KCNMA1: variants seen among roughly 807,000 people sequenced by gnomAD.
The protein encoded by KCNMA1 is Calcium-activated potassium channel subunit alpha-1.
A neutral mutation model predicts 140.0 loss-of-function variants in KCNMA1; 29 were observed. That is an observed-to-expected ratio of 0.21 (90% confidence interval 0.15 to 0.28). KCNMA1 has a LOEUF of 0.28. KCNMA1 is among the 10% of genes least tolerant of loss of function. The pLI is 1.00. For missense variants in KCNMA1, 880 were observed against 1,602.2 expected (o/e 0.55, Z 7.70); for synonymous variants, 612 against 611.9 (o/e 1.00, Z 0.00).
At chr10:77,289,556 A>G (rs1392833656) in intron 2 of KCNMA1, among the ~76,000 whole-genome samples, 2 of 152,250 alleles carry the variant, frequency 1.3e-5, no homozygotes, top group East Asian at 3.8e-4. Context: ...CCAAGCTTGT[A>G]CAAGAGGAGT....
intron 2 of KCNMA1, among the ~76,000 whole-genome samples, chr10:77,285,522 T>C (rs2070482423): frequency 6.6e-6 from 1 of 152,206 alleles, no homozygotes; most frequent in African/African-American, 2.4e-5. Flanking sequence ...AATTAAGATG[T>C]TACATAGGGA....
chr10:76,936,006 G>A (rs1346660779), intron 23 of KCNMA1, among the ~76,000 whole-genome samples: 1 of 152,148 alleles, frequency 6.6e-6, no homozygotes, highest in African/African-American at 2.4e-5. Context: ...TGTTTCTCTT[G>A]CTAGGAATAC....
At chr10:77,296,175 C>G (rs2075060966) in intron 2 of KCNMA1, among the ~76,000 whole-genome samples, 1 of 151,924 alleles carries the variant, frequency 6.6e-6, no homozygotes, top group Non-Finnish European at 1.5e-5. Context: ...CCAGGTGGGC[C>G]CACTGTAATC....
intron 2 of KCNMA1, among the ~76,000 whole-genome samples, chr10:77,381,502 T>C (rs1431502081): frequency 6.6e-6 from 1 of 152,168 alleles, no homozygotes; most frequent in African/African-American, 2.4e-5. Context: ...TTCTCGGCAG[T>C]ATAAGGTGGA....
intron 3 of KCNMA1, among the ~76,000 whole-genome samples, chr10:77,217,789 G>T (rs1260586076): frequency 6.6e-6 from 1 of 151,924 alleles, no homozygotes; most frequent in African/African-American, 2.4e-5. Flanking sequence ...AAATTTATTT[G>T]TGCTGAGAAT....
At chr10:77,224,014 CT>C (rs1404325744) in intron 3 of KCNMA1, among the ~76,000 whole-genome samples, 22 of 152,344 alleles carry the variant, frequency 1.4e-4, no homozygotes, top group Admixed American at 9.8e-4. Flanking sequence ...CATCTGCCCC[CT>C]GCTGAAGTCA....
In KCNMA1 at chr10:76,886,227, CCTAA is replaced by C. The variant is rs2036856138; in HGVS notation, c.*1035_*1038del. On this transcript the variant is annotated 3_prime_UTR_variant, in exon 28 of 28. Coordinates refer to ENST00000286628, the MANE Select transcript of KCNMA1 (RefSeq NM_001161352.2). ...CCTTCCTCCTACCTGGCATTGGGGC[CCTAA>C]CTAATCAAACAAAGGGGAGTAAAAA... 2.0e-6 allele frequency: 2 copies of C among 985,290 alleles called. No individual in the cohort carries two copies. The highest frequency in any genetic ancestry group is 9.4e-5 in the South Asian group (2 of 21,286). 61.0% of individuals were successfully genotyped at this position (985,290 alleles called of 1,614,324 possible).
At chr10:77,352,621 GGT>G (rs10555644) in intron 2 of KCNMA1, among the ~76,000 whole-genome samples, 63,109 of 144,860 alleles carry the variant, frequency 0.44, 13,942 homozygotes, top group African/African-American at 0.59. Flanking sequence ...TGCAGTACAG[GGT>G]GTGTGTGTGT....
intron 19 of KCNMA1, among the ~76,000 whole-genome samples, chr10:76,998,269 AAC>A (rs1489566555): frequency 6.6e-6 from 1 of 152,162 alleles, no homozygotes; most frequent in African/African-American, 2.4e-5. Context: ...CACTTCACAA[AAC>A]ACATAATGGG....
At chr10:77,048,133 AG>A (rs2095185830) in intron 14 of KCNMA1, among the ~76,000 whole-genome samples, 1 of 151,802 alleles carries the variant, frequency 6.6e-6, no homozygotes, top group Non-Finnish European at 1.5e-5. Context: ...TAAATAAATA[AG>A]AATTACAAAA....
At chr10:77,219,875 C>T (rs1036110063) in intron 3 of KCNMA1, among the ~76,000 whole-genome samples, 6 of 152,250 alleles carry the variant, frequency 3.9e-5, no homozygotes, top group African/African-American at 1.2e-4. Context: ...TCATGATTGC[C>T]GAACACTGGC....
At chr10:77,130,043 A>T (rs1564714513) in intron 5 of KCNMA1, among the ~76,000 whole-genome samples, 1 of 152,174 alleles carries the variant, frequency 6.6e-6, no homozygotes, top group Non-Finnish European at 1.5e-5. Context: ...CCATAATACA[A>T]AACGAGATCT....
At chr10:76,915,225 G>C (rs953249879) in intron 23 of KCNMA1, among the ~76,000 whole-genome samples, 176 bp from the exon 24 acceptor site, 4 of 152,158 alleles carry the variant, frequency 2.6e-5, no homozygotes, top group Admixed American at 2.6e-4. Flanking sequence ...GGACAGGGTA[G>C]GAAACCATTA....
intron 22 of KCNMA1, among the ~76,000 whole-genome samples, chr10:76,948,778 T>C (rs1003720524): frequency 6.6e-6 from 1 of 152,226 alleles, no homozygotes; most frequent in Non-Finnish European, 1.5e-5. Flanking sequence ...AAAAATGCCA[T>C]AAGTATAATG....
intron 24 of KCNMA1, 182 bp from the exon 25 acceptor site, chr10:76,910,278 G>A (rs2049606289): frequency 3.1e-6 from 2 of 647,824 alleles, no homozygotes; most frequent in Non-Finnish European, 5.4e-6. Flanking sequence ...CTGTTCCTGT[G>A]TCACTGTTTA....
chr10:77,636,150 G>A, intron 1 of KCNMA1: 1 of 1,340,756 alleles, frequency 7.5e-7, no homozygotes, highest in African/African-American at 1.5e-5. Context: ...CGCGCGTGAA[G>A]TCCCCTAGGA....
intron 3 of KCNMA1, among the ~76,000 whole-genome samples, chr10:77,202,652 G>A (rs142678036): frequency 6.6e-6 from 1 of 152,302 alleles, no homozygotes; most frequent in African/African-American, 2.4e-5. Flanking sequence ...AACTGAAAAG[G>A]CTTCAAGAAT....
intron 14 of KCNMA1, among the ~76,000 whole-genome samples, chr10:77,054,660 C>A (rs1324174714): frequency 2.0e-5 from 3 of 152,158 alleles, no homozygotes; most frequent in African/African-American, 7.2e-5. Flanking sequence ...GAACATGAAA[C>A]CCTAATCACT....
chr10:77,145,107 C>T (rs2098263899), intron 5 of KCNMA1, among the ~76,000 whole-genome samples: 1 of 152,094 alleles, frequency 6.6e-6, no homozygotes, highest in Non-Finnish European at 1.5e-5. Context: ...AAATAAAAAC[C>T]CCACCTATCT....
Sources: gnomAD v4.1 joint callset for allele counts (sites outside exome capture counted in the v4.1 genomes callset) on GRCh38, gnomAD v4.1.1 for gene constraint, MANE v1.5 for transcripts, NCBI Gene and HGNC (gene_info 2026-07-23, HGNC 2026-07-21) for gene names.